SYNM: variants seen among roughly 807,000 people sequenced by gnomAD.
SYNM encodes the protein desmuslin.
SYNM carries 95 observed loss-of-function variants against 104.0 expected under a neutral mutation model. The observed-to-expected ratio is 0.91, with a 90% confidence interval of 0.77 to 1.08. SYNM has a LOEUF of 1.08. Among genes scored for constraint, SYNM ranks in the 50% least tolerant of loss-of-function variants. SYNM has a pLI of 0.00. For synonymous variants in SYNM, 918 were observed against 869.0 expected (o/e 1.06, Z -0.99); for missense variants, 2,150 against 2,052.2 (o/e 1.05, Z -0.92).
chr15:99,132,338 C>G lies in SYNM; in HGVS notation c.3978C>G (p.Tyr1326Ter). Residue 1326 changes from tyrosine (Y) to a stop codon, truncating the protein, a stop_gained, in exon 4 of 4, where the codon TAC (tyrosine) becomes TAG (stop). Transcript: ENST00000336292. LOFTEE classifies it high-confidence loss of function. ...ATCAGACCACCCAGCAGATAGTTTACCATGGGCTGGTTCCCCAACTGGGGG... is the reference window on the plus strand; with the variant it reads ...ATCAGACCACCCAGCAGATAGTTTAGCATGGGCTGGTTCCCCAACTGGGGG... ...QRHQTTQQIV[Y>*]HGLVPQLGES... The G allele has an allele frequency of 1.2e-6, 2 of 1,613,674 alleles. No homozygotes were observed. The highest frequency in any genetic ancestry group is 8.5e-7 in the Non-Finnish European group (1 of 1,179,640).
chr15:99,113,835 G>A, intron 2 of SYNM, 120 bp downstream of exon 2: 1 of 1,442,556 alleles, frequency 6.9e-7, no homozygotes, highest in Non-Finnish European at 9.2e-7. Context: ...GACAAGCAGA[G>A]AGCAGCCCTT....
chr15:99,117,804 A>G (rs1464588727), intron 2 of SYNM, among the ~76,000 whole-genome samples: 1 of 150,714 alleles, frequency 6.6e-6, no homozygotes, highest in East Asian at 2.0e-4. Context: ...CCACGGGCCC[A>G]GCTTTTCAGG....
chr15:99,119,900 C>T (rs1405587904), intron 2 of SYNM, among the ~76,000 whole-genome samples: 1 of 152,178 alleles, frequency 6.6e-6, no homozygotes, highest in East Asian at 1.9e-4. Context: ...GACTGTCCAC[C>T]CCGTGTCATC....
At chr15:99,139,308 C>A (rs187809618), downstream of SYNM, 1 of 1,610,946 alleles carries the variant, frequency 6.2e-7, no homozygotes, top group East Asian at 2.2e-5. Context: ...GTGAGGGACG[C>A]CAACTCACGT....
At chr15:99,125,373 C>T (rs4965445) in intron 2 of SYNM, among the ~76,000 whole-genome samples, 95,097 of 152,162 alleles carry the variant, frequency 0.62, 29,977 homozygotes, top group Middle Eastern at 0.68. Flanking sequence ...GTCATGAGGG[C>T]GTGGGATTAA....
chr15:99,137,698 A>G, downstream of SYNM: 1 of 321,718 alleles, frequency 3.1e-6, no homozygotes, highest in East Asian at 6.2e-5. Context: ...ACTCCTGCAC[A>G]GGGCGCACTG....
intron 2 of SYNM, 119 bp from the exon 3 acceptor site, chr15:99,126,603 T>G (rs2067449994): frequency 1.0e-6 from 1 of 1,000,168 alleles, no homozygotes; most frequent in South Asian, 1.6e-5. Flanking sequence ...CCTCTTCAGG[T>G]AGAAGTCCTA....
At position 99,132,867 on chromosome 15, in the gene SYNM, G is replaced by A. The variant is rs782171640; in HGVS notation, c.4507G>A (p.Val1503Met). The change falls in exon 4 of 4, where the codon GTG (valine) becomes ATG (methionine). Residue 1503 changes from valine to methionine, a missense_variant. Transcript: ENST00000336292. The part of the protein sequence containing the change: ...ADSRNDQAVG[V>M]SFKASAGEGD... ...CAGTAGGAATGACCAGGCAGTTGGT[G>A]TGAGCTTTAAGGCCTCTGCTGGGGA... 1.2e-6 allele frequency: 2 copies of A among 1,613,954 alleles called. No homozygotes were observed. Among genetic ancestry groups the A allele is most frequent in the South Asian group, 2.2e-5 (2 of 91,058 alleles).
At chr15:99,138,188 T>C, downstream of SYNM, 2 of 1,592,482 alleles carry the variant, frequency 1.3e-6, no homozygotes, top group Non-Finnish European at 8.6e-7. Flanking sequence ...ACCGTTCCCA[T>C]CCAGCCTTTG....
In SYNM at chr15:99,105,687, C is replaced by T; in HGVS notation, c.488C>T (p.Thr163Ile). The change falls in exon 1 of 4, where the codon ACC becomes ATC. Residue 163 changes from threonine (T) to isoleucine (I), a missense_variant. Transcript: ENST00000336292. ...CTGCGCGCGCGCGCCGCCAGCCTTA[C>T]CATGCATTTCCGCGCCCGCGCCACC... ...RELRARAASL[T>I]MHFRARATGP... 6.8e-7 allele frequency: 1 copy of T among 1,476,078 alleles called. No homozygotes were observed. 91.4% of individuals were successfully genotyped at this position (1,476,078 alleles called of 1,614,324 possible).
chr15:99,118,248 C>A (rs981672400), intron 2 of SYNM, among the ~76,000 whole-genome samples: 33 of 152,240 alleles, frequency 2.2e-4, no homozygotes, highest in African/African-American at 7.5e-4. Context: ...GGAAGACAAA[C>A]CCTCGTCATC....
chr15:99,135,259 T>A lies in SYNM; in HGVS notation c.*2201T>A, dbSNP rs782488929. 6.6e-6 allele frequency: 1 copy of A among 152,670 alleles called. No homozygotes were observed. The highest frequency in any genetic ancestry group is 2.4e-5 in the African/African-American group (1 of 41,462). The allele number at this position is 152,670 out of a possible 1,614,324, so 9.5% of individuals were successfully genotyped here. On this transcript the variant is annotated 3_prime_UTR_variant, in exon 4 of 4. Transcript: ENST00000336292. ...GCTATTGTTGGTTGCTAAATGTGAA[T>A]CACGCGGGAGTGAGTGTGCCCTTCA...
intron 1 of SYNM, among the ~76,000 whole-genome samples, chr15:99,108,651 C>T (rs1394126932): frequency 6.6e-6 from 1 of 152,176 alleles, no homozygotes; most frequent in Non-Finnish European, 1.5e-5. Context: ...GTGCCCACAC[C>T]AGTGTTACGA....
rs2067355702 is a variant in SYNM, at chr15:99,116,986, C to T, written c.935+3271C>T. Among the ~76,000 whole-genome samples the T allele has an allele frequency of 1.4e-5, 2 of 143,832 alleles. 1 individual carries two copies. The highest frequency in any genetic ancestry group is 1.4e-4 in the Admixed American group (2 of 14,060). 94.4% of individuals were successfully genotyped at this position (143,832 alleles called of 152,430 possible). On this transcript the variant is annotated intron_variant, in intron 2 of 3. Transcript: ENST00000336292. Reference sequence around the variant, plus strand: ...CCCTGTGCCTAGCCGGTGCTGGGTTCTTTTAAACAACCAGATCTCATGTGG... The same window carrying T: ...CCCTGTGCCTAGCCGGTGCTGGGTTTTTTTAAACAACCAGATCTCATGTGG...
At chr15:99,120,286 G>A (rs782427366) in intron 2 of SYNM, among the ~76,000 whole-genome samples, 12 of 152,200 alleles carry the variant, frequency 7.9e-5, no homozygotes, top group South Asian at 2.1e-4. Flanking sequence ...ATGATGATGT[G>A]TCGGGTGCAG....
intron 2 of SYNM, among the ~76,000 whole-genome samples, chr15:99,115,705 A>T (rs1049942002): frequency 3.3e-5 from 5 of 152,072 alleles, no homozygotes; most frequent in Admixed American, 3.3e-4. Context: ...CAGGTGATCC[A>T]CCCACCTCGC....
chr15:99,131,681 C>G lies in SYNM; in HGVS notation c.3321C>G (p.Ser1107Arg). The change falls in exon 4 of 4, where the codon AGC (serine) becomes AGG (arginine). Residue 1107 changes from serine to arginine, a missense_variant. Transcript: ENST00000336292. The surrounding 1 kb of genome is among the most constrained non-coding windows in gnomAD (Gnocchi z 4.3). ...GPVSATVEVS[S>R]PTGFAQSQVL... is the part of the protein sequence containing the mutation. ...TGTCGGCCACTGTGGAGGTCAGCAG[C>G]CCCACAGGCTTTGCCCAGTCACAGG... 1 of 1,612,938 alleles carries G rather than the reference C, an allele frequency of 6.2e-7. No homozygotes were observed. The highest frequency in any genetic ancestry group is 8.5e-7 in the Non-Finnish European group (1 of 1,179,734).
chr15:99,139,539 C>G (rs1555489152), downstream of SYNM: 4 of 1,548,810 alleles, frequency 2.6e-6, no homozygotes, highest in Non-Finnish European at 3.5e-6. Flanking sequence ...TGGGATGTCT[C>G]CTAGTGACTG....
chr15:99,105,396 G>T lies in SYNM; in HGVS notation c.197G>T (p.Ser66Ile), dbSNP rs1555482383. ...GCCCGCTGCGCCGAGGAGGCGCGCA[G>T]CTTGCGGCAGCAGCTGGACGAGCTG... ...GQARCAEEAR[S>I]LRQQLDELSW... The change falls in exon 1 of 4, where the codon AGC becomes ATC. Residue 66 changes from serine (S) to isoleucine (I), a missense_variant. Physicochemically the swap from Ser to Ile is moderately radical, Grantham distance 142. Transcript: ENST00000336292. 6.6e-7 allele frequency: 1 copy of T among 1,510,818 alleles called. No individual in the cohort carries two copies. 93.6% of individuals were successfully genotyped at this position (1,510,818 alleles called of 1,614,324 possible). A position where few individuals can be genotyped will look rare whatever the true frequency, so the allele number is the denominator to read the frequency against.
Sources: gnomAD v4.1 joint callset for allele counts (sites outside exome capture counted in the v4.1 genomes callset) on GRCh38, gnomAD v4.1.1 for gene constraint, Gnocchi (gnomAD v3.1) non-coding constraint, MANE v1.5 for transcripts, NCBI Gene and HGNC (gene_info 2026-07-23, HGNC 2026-07-21) for gene names.